GLCCI1: variants seen among roughly 807,000 people sequenced by gnomAD.
The protein encoded by GLCCI1 is glucocorticoid induced 1.
In GLCCI1, 24 loss-of-function variants were observed where a neutral mutation model predicts 52.2. The ratio of observed to expected loss-of-function variants is 0.46; its 90% CI spans 0.33 to 0.65. GLCCI1 has a LOEUF of 0.65. Among genes scored for constraint, GLCCI1 ranks in the 30% least tolerant of loss-of-function variants. The pLI is 0.02. For synonymous variants in GLCCI1, 310 were observed against 276.5 expected (o/e 1.12, Z -1.20); for missense variants, 704 against 701.5 (o/e 1.00, Z -0.04).
intron 1 of GLCCI1, among the ~76,000 whole-genome samples, chr7:8,000,325 T>C (rs191144444): frequency 6.6e-6 from 1 of 152,308 alleles, no homozygotes; most frequent in Non-Finnish European, 1.5e-5. Context: ...TTCAAAAAGT[T>C]AATATAAATA....
intron 1 of GLCCI1, among the ~76,000 whole-genome samples, chr7:7,998,605 A>G (rs889931251): frequency 5.9e-5 from 9 of 152,184 alleles, no homozygotes; most frequent in Non-Finnish European, 1.0e-4. Context: ...CAAAGAAGCT[A>G]TAGTGTACTT....
chr7:8,080,966 C>T (rs1223844671), intron 6 of GLCCI1, among the ~76,000 whole-genome samples: 18 of 151,490 alleles, frequency 1.2e-4, no homozygotes, highest in Non-Finnish European at 1.5e-4. Flanking sequence ...TAAGCCACCT[C>T]GCCCAGCGCT....
chr7:8,011,736 G>A (rs1459066326), intron 2 of GLCCI1, among the ~76,000 whole-genome samples: 1 of 152,052 alleles, frequency 6.6e-6, no homozygotes, highest in Admixed American at 6.6e-5. Context: ...CTTCCACTAT[G>A]GCTGTAGTAT....
chr7:8,073,770 G>A (rs145410159), intron 6 of GLCCI1, among the ~76,000 whole-genome samples: 7 of 152,164 alleles, frequency 4.6e-5, no homozygotes, highest in Admixed American at 4.6e-4. Context: ...AATTATTTAA[G>A]ACATTTCTCT....
intron 3 of GLCCI1, among the ~76,000 whole-genome samples, chr7:8,042,785 G>T (rs1413640294): frequency 6.6e-6 from 1 of 152,224 alleles, no homozygotes; most frequent in Non-Finnish European, 1.5e-5. Flanking sequence ...TGTGAACATT[G>T]TTGAAATGAT....
intron 1 of GLCCI1, among the ~76,000 whole-genome samples, chr7:7,999,298 A>C (rs38002): frequency 0.42 from 64,375 of 152,062 alleles, 13,914 homozygotes; most frequent in Middle Eastern, 0.52. Flanking sequence ...TTGTTTATAT[A>C]TTTAACTCAT....
At chr7:8,066,092 A>C (rs913115181) in intron 5 of GLCCI1, among the ~76,000 whole-genome samples, 1 of 152,152 alleles carries the variant, frequency 6.6e-6, no homozygotes, top group Non-Finnish European at 1.5e-5. Flanking sequence ...TTATTGTTCC[A>C]TTCAGGGATT....
chr7:7,969,991 T>G lies in GLCCI1; in HGVS notation c.457+184T>G, dbSNP rs1780308269. On this transcript the variant is annotated intron_variant, in intron 1 of 7. Coordinates refer to ENST00000223145, the MANE Select transcript of GLCCI1 (RefSeq NM_138426.4). This position sits in a 1 kb window ranked among gnomAD's most constrained non-coding sequence, Gnocchi z 4.9. Reference sequence around the variant, plus strand: ...GAGGAGCGAACTGAAAAGCGACTTTTATTTGACCCTCATGCCGCCCCTCAG... The same window carrying G: ...GAGGAGCGAACTGAAAAGCGACTTTGATTTGACCCTCATGCCGCCCCTCAG... The G allele has an allele frequency of 5.5e-6, 4 of 731,968 alleles. No homozygotes were observed. The highest frequency in any genetic ancestry group is 7.1e-6 in the Non-Finnish European group (4 of 565,900). 45.3% of individuals were successfully genotyped at this position (731,968 alleles called of 1,614,324 possible).
intron 1 of GLCCI1, among the ~76,000 whole-genome samples, chr7:7,975,205 AGT>A (rs1353344373): frequency 6.6e-6 from 1 of 152,246 alleles, no homozygotes; most frequent in Non-Finnish European, 1.5e-5. Context: ...ATGGATTAGC[AGT>A]AATTCTGAAA....
Position 7,969,333 on chromosome 7 carries a change from A to C in GLCCI1, c.-18A>C. 7.0e-7 allele frequency: 1 copy of C among 1,422,766 alleles called. No homozygotes were observed. Among genetic ancestry groups the C allele is most frequent in the East Asian group, 3.1e-5 (1 of 32,438 alleles). The allele number at this position is 1,422,766 out of a possible 1,614,324, so 88.1% of individuals were successfully genotyped here. A position where few individuals can be genotyped will look rare whatever the true frequency, so the allele number is the denominator to read the frequency against. ...GCCTCCGTGTCGGCCGGCGGCGTCC[A>C]GGGCCCGCAGAGCCACCATGTCCAC... On this transcript the variant is annotated 5_prime_UTR_variant, in exon 1 of 8. Transcript: ENST00000223145. This position sits in a 1 kb window ranked among gnomAD's most constrained non-coding sequence, Gnocchi z 4.9.
intron 3 of GLCCI1, among the ~76,000 whole-genome samples, chr7:8,053,132 G>A (rs998661674): frequency 1.3e-5 from 2 of 151,616 alleles, no homozygotes; most frequent in Admixed American, 1.3e-4. Flanking sequence ...TGTGTTTCTG[G>A]TTCTCAGATG....
chr7:8,009,928 G>T (rs1781230860), intron 2 of GLCCI1, among the ~76,000 whole-genome samples: 1 of 151,076 alleles, frequency 6.6e-6, no homozygotes, highest in African/African-American at 2.4e-5. Flanking sequence ...CCTGAGCACT[G>T]GAAGTGGTTT....
chr7:8,008,815 C>T (rs1223840238), intron 2 of GLCCI1, among the ~76,000 whole-genome samples: 1 of 151,840 alleles, frequency 6.6e-6, no homozygotes. Flanking sequence ...GGGTGGATAC[C>T]TAGATAGATA....
rs1208032058 is a variant in GLCCI1, at chr7:8,088,254, G to GTA, written c.*1717_*1718insAT. The stretch of plus-strand genomic sequence containing the variant: ...TATGTATATGTTTGTGTGTGTGTGT[G>GTA]TGTGTGTGTGTGTGTGTATTCTGTG... On this transcript the variant is annotated 3_prime_UTR_variant, in exon 8 of 8. Coordinates refer to ENST00000223145, the MANE Select transcript of GLCCI1 (RefSeq NM_138426.4). 1 of 151,784 alleles carries GTA rather than the reference G, an allele frequency of 6.6e-6. No individual in the cohort carries two copies. Among genetic ancestry groups the GTA allele is most frequent in the African/African-American group, 2.4e-5 (1 of 41,166 alleles). The allele number at this position is 151,784 out of a possible 1,614,324, so 9.4% of individuals were successfully genotyped here.
intron 1 of GLCCI1, among the ~76,000 whole-genome samples, chr7:7,986,599 A>C (rs1288326266): frequency 6.6e-6 from 1 of 152,220 alleles, no homozygotes; most frequent in Non-Finnish European, 1.5e-5. Context: ...AAAATTCAAC[A>C]AATTTTACTC....
chr7:8,006,695 T>C (rs1051750723), intron 2 of GLCCI1, among the ~76,000 whole-genome samples: 8 of 152,206 alleles, frequency 5.3e-5, no homozygotes, highest in African/African-American at 1.7e-4. Flanking sequence ...CAAATAATCT[T>C]CATATGGACC....
At chr7:7,993,019 G>T (rs183440225) in intron 1 of GLCCI1, among the ~76,000 whole-genome samples, 17 of 152,048 alleles carry the variant, frequency 1.1e-4, no homozygotes, top group Admixed American at 4.6e-4. Flanking sequence ...AGGATTTTTA[G>T]CTTACTTTGA....
chr7:7,996,026 A>C (rs1482074649), intron 1 of GLCCI1, among the ~76,000 whole-genome samples: 1 of 152,146 alleles, frequency 6.6e-6, no homozygotes, highest in Non-Finnish European at 1.5e-5. Flanking sequence ...TTGAGATGTA[A>C]TAGTGAGCCT....
intron 1 of GLCCI1, chr7:7,981,681 C>A (rs777287253): frequency 6.6e-5 from 16 of 242,680 alleles, no homozygotes; most frequent in Non-Finnish European, 6.5e-5. Flanking sequence ...TTATAGATGA[C>A]AGAAGAAAAC....
Sources: gnomAD v4.1 joint callset for allele counts (sites outside exome capture counted in the v4.1 genomes callset) on GRCh38, gnomAD v4.1.1 for gene constraint, Gnocchi (gnomAD v3.1) non-coding constraint, MANE v1.5 for transcripts, NCBI Gene and HGNC (gene_info 2026-07-23, HGNC 2026-07-21) for gene names.